Variants in MOB3B observed in about 807,000 individuals in gnomAD.
The protein encoded by MOB3B is MOB kinase activator 3B.
A neutral mutation model predicts 18.7 loss-of-function variants in MOB3B; 7 were observed. That is an observed-to-expected ratio of 0.37 (90% CI 0.21 to 0.70). MOB3B has a LOEUF of 0.70. Among genes scored for constraint, MOB3B ranks in the 30% least tolerant of loss-of-function variants. The pLI is 0.52. For synonymous variants in MOB3B, 111 were observed against 99.9 expected (o/e 1.11, Z -0.66); for missense variants, 253 against 281.3 (o/e 0.90, Z 0.72).
intron 2 of MOB3B, among the ~76,000 whole-genome samples, chr9:27,376,487 T>C (rs927754001): frequency 4.6e-5 from 7 of 152,146 alleles, no homozygotes; most frequent in Non-Finnish European, 5.9e-5. Flanking sequence ...TAGAAAAAAA[T>C]GGACACAGGA....
intron 1 of MOB3B, among the ~76,000 whole-genome samples, chr9:27,506,832 A>AT (rs71492749): frequency 0.32 from 38,449 of 120,492 alleles, 7,277 homozygotes; most frequent in Non-Finnish European, 0.42. Context: ...ACCCCGGCTA[A>AT]TTTTTTTTTT....
intron 1 of MOB3B, among the ~76,000 whole-genome samples, chr9:27,507,612 C>T (rs1196262781): frequency 1.3e-5 from 2 of 152,158 alleles, no homozygotes; most frequent in South Asian, 4.1e-4. Context: ...GAATTTAATG[C>T]AATACTTTGT....
intron 1 of MOB3B, among the ~76,000 whole-genome samples, chr9:27,459,205 C>T (rs1280131270): frequency 6.6e-6 from 1 of 152,218 alleles, no homozygotes; most frequent in Non-Finnish European, 1.5e-5. Context: ...TTTCCCAGCC[C>T]AGAGCCCCCT....
chr9:27,356,343 G>T (rs1199730867), intron 3 of MOB3B, among the ~76,000 whole-genome samples: 3 of 152,150 alleles, frequency 2.0e-5, no homozygotes, highest in Non-Finnish European at 4.4e-5. Flanking sequence ...AAAAATGTCT[G>T]GTTAACCTAA....
At position 27,495,113 on chromosome 9, in the gene MOB3B, G is replaced by A. The variant is rs532593768; in HGVS notation, c.-199+34442C>T. 1.7e-4 allele frequency among the ~76,000 whole-genome samples: 26 copies of A among 152,174 alleles called. No individual in the cohort carries two copies. The South Asian group carries it at 5.4e-3, about 32-fold the overall frequency. On this transcript the variant is annotated intron_variant, in intron 1 of 3. Transcript: ENST00000262244. Reference sequence around the variant, plus strand: ...GGAGGCTGAGGTGGGAGGATCACTTGAGCCCAGGAGTTCAAGACCAGCCTG... The same window carrying A: ...GGAGGCTGAGGTGGGAGGATCACTTAAGCCCAGGAGTTCAAGACCAGCCTG...
At chr9:27,420,439 C>G (rs1275311002) in intron 2 of MOB3B, among the ~76,000 whole-genome samples, 1 of 150,252 alleles carries the variant, frequency 6.7e-6, no homozygotes, top group Non-Finnish European at 1.5e-5. Flanking sequence ...GATAAAGAAA[C>G]TATGATTATA....
chr9:27,524,266 G>C, intron 1 of MOB3B: 1 of 1,482,670 alleles, frequency 6.7e-7, no homozygotes, highest in East Asian at 2.3e-5. Flanking sequence ...GGTATATAAA[G>C]GCACATGAAG....
chr9:27,467,433 A>G (rs1819402178), intron 1 of MOB3B, among the ~76,000 whole-genome samples: 1 of 152,244 alleles, frequency 6.6e-6, no homozygotes, highest in Non-Finnish European at 1.5e-5. Flanking sequence ...ATCAGATTTC[A>G]GGTGGTGTGA....
chr9:27,362,063 T>C (rs1821282338), intron 2 of MOB3B, among the ~76,000 whole-genome samples: 1 of 152,174 alleles, frequency 6.6e-6, no homozygotes, highest in Non-Finnish European at 1.5e-5. Context: ...CCTTTTAGAC[T>C]GTCTCCAAGC....
intron 1 of MOB3B, among the ~76,000 whole-genome samples, chr9:27,457,298 G>A (rs1276025725): frequency 6.6e-6 from 1 of 152,218 alleles, no homozygotes; most frequent in Non-Finnish European, 1.5e-5. Context: ...AAATAGAGAG[G>A]AGATAACTGA....
intron 2 of MOB3B, among the ~76,000 whole-genome samples, chr9:27,381,558 A>G (rs1340929283): frequency 6.6e-6 from 1 of 151,990 alleles, no homozygotes; most frequent in African/African-American, 2.4e-5. Flanking sequence ...TAACGGCAAC[A>G]CCAGTCATCG....
chr9:27,393,220 T>C (rs1316366583), intron 2 of MOB3B, among the ~76,000 whole-genome samples: 1 of 152,228 alleles, frequency 6.6e-6, no homozygotes. Context: ...AGGTCAGTTC[T>C]GCTTTTTCTG....
chr9:27,523,464 C>CAAAAAAAAAAAAAAAAAA (rs55637136), intron 1 of MOB3B, among the ~76,000 whole-genome samples: 23 of 141,724 alleles, frequency 1.6e-4, no homozygotes, highest in African/African-American at 2.1e-4. Context: ...TAAACTGCAC[C>CAAAAAAAAAAAAAAAAAA]AAAAAAAAAA....
intron 1 of MOB3B, among the ~76,000 whole-genome samples, chr9:27,523,463 C>T: frequency 1.5e-5 from 1 of 66,922 alleles, no homozygotes; most frequent in South Asian, 4.5e-4. Context: ...CTAAACTGCA[C>T]CAAAAAAAAA....
intron 2 of MOB3B, among the ~76,000 whole-genome samples, chr9:27,429,820 G>A (rs1273148737): frequency 2.0e-5 from 3 of 152,148 alleles, no homozygotes; most frequent in Non-Finnish European, 2.9e-5. Flanking sequence ...GCCCCTCAAA[G>A]GATAAGCACT....
Position 27,420,585 on chromosome 9 carries a change from A to G in MOB3B, c.418+34548T>C, listed in dbSNP as rs1328719283. 1.3e-4 allele frequency among the ~76,000 whole-genome samples: 16 copies of G among 121,038 alleles called. No homozygotes were observed. The South Asian group carries it at 1.7e-3, about 13-fold the overall frequency. 79.4% of individuals were successfully genotyped at this position (121,038 alleles called of 152,430 possible). The stretch of plus-strand genomic sequence containing the variant: ...TATATATATATATATATATATATAT[A>G]TATATATATATGGAATACTACACAG... On this transcript the variant is annotated intron_variant, in intron 2 of 3. Coordinates refer to ENST00000262244, the MANE Select transcript of MOB3B (RefSeq NM_024761.5).
At chr9:27,480,412 G>A (rs1268307118) in intron 1 of MOB3B, among the ~76,000 whole-genome samples, 4 of 151,808 alleles carry the variant, frequency 2.6e-5, no homozygotes, top group African/African-American at 9.7e-5. Flanking sequence ...CCATTCTCCT[G>A]CCTCAGCCTC....
At chr9:27,420,604 T>C (rs1822233679) in intron 2 of MOB3B, among the ~76,000 whole-genome samples, 1 of 110,286 alleles carries the variant, frequency 9.1e-6, no homozygotes, top group Non-Finnish European at 1.8e-5. Flanking sequence ...TATGGAATAC[T>C]ACACAGCCAT....
chr9:27,428,654 A>G (rs1258684629), intron 2 of MOB3B, among the ~76,000 whole-genome samples: 1 of 152,246 alleles, frequency 6.6e-6, no homozygotes, highest in East Asian at 1.9e-4. Flanking sequence ...TTGCCAGGGA[A>G]GATGGCCACT....
Sources: allele counts gnomAD v4.1 joint callset (sites outside exome capture counted in the v4.1 genomes callset), GRCh38; gene constraint gnomAD v4.1.1; transcripts MANE v1.5; gene names NCBI Gene and HGNC (gene_info 2026-07-23, HGNC 2026-07-21).